FAM120A: variants seen among roughly 807,000 people sequenced by gnomAD.
FAM120A encodes family with sequence similarity 120 member A, also known as constitutive coactivator of PPAR-gamma-like protein 1.
In FAM120A, 15 loss-of-function variants were observed where a neutral mutation model predicts 109.7. That is an observed-to-expected ratio of 0.14 (90% CI 0.09 to 0.21). The LOEUF (loss-of-function observed/expected upper bound fraction) is 0.21. FAM120A is among the 10% of genes least tolerant of loss of function. The pLI is 1.00. For missense variants in FAM120A, 899 were observed against 1,439.3 expected (o/e 0.62, Z 6.07); for synonymous variants, 493 against 572.8 (o/e 0.86, Z 1.99).
At chr9:93,561,435 C>T (rs1862462342) in intron 16 of FAM120A, among the ~76,000 whole-genome samples, 185 bp downstream of exon 16, 1 of 152,100 alleles carries the variant, frequency 6.6e-6, no homozygotes, top group Admixed American at 6.5e-5. Flanking sequence ...CTCACTGTCA[C>T]CCAGGCTAGA....
At chr9:93,558,129 TC>T in intron 14 of FAM120A, 119 bp downstream of exon 14, 1 of 1,073,880 alleles carries the variant, frequency 9.3e-7, no homozygotes, top group Non-Finnish European at 1.3e-6. Flanking sequence ...GTCTTGGAGA[TC>T]CTGCAGCAGC....
Position 93,564,811 on chromosome 9 carries a change from T to A in FAM120A, c.*271T>A. ...CACTTAAAATGAAGTACACATAAAG[T>A]TTAAACTGGTTATGACAAAAGCCTT... On this transcript the variant is annotated 3_prime_UTR_variant, in exon 18 of 18. Transcript: ENST00000277165. 1 of 343,552 alleles carries A rather than the reference T, an allele frequency of 2.9e-6. No homozygotes were observed. The highest frequency in any genetic ancestry group is 5.3e-6 in the Non-Finnish European group (1 of 189,508). 21.3% of individuals were successfully genotyped at this position (343,552 alleles called of 1,614,324 possible). A position where few individuals can be genotyped will look rare whatever the true frequency, so the allele number is the denominator to read the frequency against.
chr9:93,545,780 C>CTTTTT lies in FAM120A; in HGVS notation c.2159+2331_2159+2335dup, dbSNP rs774150537. 6.2e-3 allele frequency among the ~76,000 whole-genome samples: 408 copies of CTTTTT among 65,510 alleles called. 51 individuals are homozygous for CTTTTT. The highest frequency in any genetic ancestry group is 0.023 in the African/African-American group (364 of 16,096). 43.0% of individuals were successfully genotyped at this position (65,510 alleles called of 152,430 possible). ...GAAGACTGGCTGATGGGAAAGACTCCTTTTTTTTTTTTTTTTTTTTTTTTT... is the reference window on the plus strand; with the variant it reads ...GAAGACTGGCTGATGGGAAAGACTCCTTTTTTTTTTTTTTTTTTTTTTTTTTTTTT... On this transcript the variant is annotated intron_variant, in intron 11 of 17. Coordinates refer to ENST00000277165, the MANE Select transcript of FAM120A (RefSeq NM_014612.5).
chr9:93,483,247 A>G (rs1384893477), intron 3 of FAM120A, among the ~76,000 whole-genome samples: 2 of 152,130 alleles, frequency 1.3e-5, no homozygotes, highest in Non-Finnish European at 2.9e-5. Flanking sequence ...TTTTTTCTTA[A>G]TAAGTCGTTA....
At chr9:93,460,406 A>G (rs1466504593) in intron 1 of FAM120A, among the ~76,000 whole-genome samples, 1 of 152,148 alleles carries the variant, frequency 6.6e-6, no homozygotes, top group Non-Finnish European at 1.5e-5. Flanking sequence ...CAGTGACACA[A>G]TCTCAGCTGA....
chr9:93,542,121 A>T (rs1362337470), intron 10 of FAM120A, among the ~76,000 whole-genome samples: 1 of 152,198 alleles, frequency 6.6e-6, no homozygotes, highest in African/African-American at 2.4e-5. Context: ...TTGAAGATCA[A>T]ATTAGAGTTT....
chr9:93,453,085 C>T, intron 1 of FAM120A: 1 of 1,067,092 alleles, frequency 9.4e-7, no homozygotes, highest in African/African-American at 1.7e-5. Context: ...TCTGTGACTT[C>T]ACGTCCGTGT....
At position 93,550,655 on chromosome 9, in the gene FAM120A, C is replaced by G. The variant is rs1214450348; in HGVS notation, c.2238C>G (p.Pro746=). ...LDAFLAQALS[P]KLYEPDQLQE... is the part of the protein sequence containing the mutation. ...CCTTCCTGGCTCAGGCGCTGTCCCC[C>G]AAACTCTACGAGCCTGATCAGCTCC... is the stretch of plus-strand genomic sequence containing the variant. Residue 746 remains proline, a synonymous_variant, in exon 12 of 18, where the codon CCC becomes CCG. Transcript: ENST00000277165. 1 of 1,613,946 alleles carries G rather than the reference C, an allele frequency of 6.2e-7. No individual in the cohort carries two copies. Among genetic ancestry groups the G allele is most frequent in the Non-Finnish European group, 8.5e-7 (1 of 1,180,014 alleles).
At chr9:93,534,717 G>T (rs960714663) in intron 10 of FAM120A, among the ~76,000 whole-genome samples, 2 of 152,156 alleles carry the variant, frequency 1.3e-5, no homozygotes, top group Admixed American at 6.5e-5. Context: ...TGGGGGAGAG[G>T]TGAGTTTATC....
At chr9:93,514,334 G>A (rs527704847) in intron 5 of FAM120A, among the ~76,000 whole-genome samples, 148 of 152,300 alleles carry the variant, frequency 9.7e-4, no homozygotes, top group African/African-American at 3.4e-3. Context: ...ATGAGATTTG[G>A]GTGGGGATGT....
At chr9:93,544,136 T>G (rs1861802071) in intron 11 of FAM120A, among the ~76,000 whole-genome samples, 1 of 152,218 alleles carries the variant, frequency 6.6e-6, no homozygotes, top group Admixed American at 6.5e-5. Context: ...TCACTTGAGG[T>G]TATATCCAGC....
Position 93,516,404 on chromosome 9 carries a change from T to C in FAM120A, c.1418+135T>C, listed in dbSNP as rs1860589385. 3.4e-6 allele frequency: 4 copies of C among 1,172,598 alleles called. No homozygotes were observed. In the South Asian group the frequency reaches 6.0e-5, roughly 17 times the overall value. 72.6% of individuals were successfully genotyped at this position (1,172,598 alleles called of 1,614,324 possible). On this transcript the variant is annotated intron_variant, in intron 7 of 17. Coordinates refer to ENST00000277165, the MANE Select transcript of FAM120A (RefSeq NM_014612.5). ...CAGGTGGGTGATGGTCAGTCTGTAC[T>C]CAGATGGGGGCTCCTTGGACAGAGA...
chr9:93,527,224 C>A lies in FAM120A; in HGVS notation c.1488C>A (p.Asp496Glu). Residue 496 changes from aspartate to glutamate, a missense_variant, in exon 8 of 18, where the codon GAC becomes GAA. Transcript: ENST00000277165. ...GSHSEPQARG[D>E]PGDQTKAEGS... ...ACTCAGAGCCTCAGGCACGAGGAGA[C>A]CCAGGAGACCAAACAAAGGTAGAAA... 1 of 1,613,984 alleles carries A rather than the reference C, an allele frequency of 6.2e-7. No homozygotes were observed. The highest frequency in any genetic ancestry group is 1.3e-5 in the African/African-American group (1 of 75,010).
At position 93,451,713 on chromosome 9, in the gene FAM120A, C is replaced by A; in HGVS notation, c.-203C>A. The A allele has an allele frequency of 2.0e-6, 2 of 985,518 alleles. No individual in the cohort carries two copies. The highest frequency in any genetic ancestry group is 2.4e-6 in the Non-Finnish European group (2 of 832,268). 61.0% of individuals were successfully genotyped at this position (985,518 alleles called of 1,614,324 possible). ...GGCCTCGCAGCGGCGGCAGCGGCGGCGGCGGCAGGTCCCTCCCCAGACATG... is the reference window on the plus strand; with the variant it reads ...GGCCTCGCAGCGGCGGCAGCGGCGGAGGCGGCAGGTCCCTCCCCAGACATG... On this transcript the variant is annotated 5_prime_UTR_variant, in exon 1 of 18. Transcript: ENST00000277165.
At chr9:93,470,605 G>A (rs750194541) in intron 1 of FAM120A, among the ~76,000 whole-genome samples, 7 of 152,178 alleles carry the variant, frequency 4.6e-5, no homozygotes, top group Non-Finnish European at 7.4e-5. Context: ...TGGTCTCCAC[G>A]TGTGGGAGGC....
intron 7 of FAM120A, chr9:93,523,392 C>T (rs182443423): frequency 2.7e-5 from 30 of 1,109,824 alleles, no homozygotes; most frequent in Admixed American, 5.2e-5. Flanking sequence ...GAGGGAATGA[C>T]TTTAGTGTAA....
chr9:93,551,561 T>C (rs1862099520), intron 12 of FAM120A, among the ~76,000 whole-genome samples: 1 of 152,236 alleles, frequency 6.6e-6, no homozygotes, highest in Non-Finnish European at 1.5e-5. Flanking sequence ...AGTTAATCTC[T>C]TTCCACAAAA....
chr9:93,454,709 C>T (rs1380482353), intron 1 of FAM120A, among the ~76,000 whole-genome samples: 3 of 152,114 alleles, frequency 2.0e-5, no homozygotes, highest in Non-Finnish European at 2.9e-5. Flanking sequence ...GAGGGTAGTA[C>T]AATGTTTATT....
intron 13 of FAM120A, among the ~76,000 whole-genome samples, chr9:93,557,488 G>A (rs1378191249): frequency 6.6e-6 from 1 of 152,150 alleles, no homozygotes; most frequent in Non-Finnish European, 1.5e-5. Flanking sequence ...TGAAACACGT[G>A]GCACTTAATA....
Sources: gnomAD v4.1 joint callset for allele counts (sites outside exome capture counted in the v4.1 genomes callset) on GRCh38, gnomAD v4.1.1 for gene constraint, MANE v1.5 for transcripts, NCBI Gene and HGNC (gene_info 2026-07-23, HGNC 2026-07-21) for gene names.